Variants in CRMP1 observed in about 807,000 individuals in gnomAD.
The protein encoded by CRMP1 is collapsin response mediator protein 1, also known as dihydropyrimidinase-related protein 1.
CRMP1 carries 19 observed loss-of-function variants against 68.3 expected under a neutral mutation model. The observed-to-expected ratio is 0.28, with a 90% CI of 0.19 to 0.41. The LOEUF (loss-of-function observed/expected upper bound fraction) is 0.41. CRMP1 is among the 10% of genes least tolerant of loss of function. The pLI is 1.00. For synonymous variants in CRMP1, 439 were observed against 399.6 expected (o/e 1.10, Z -1.18); for missense variants, 791 against 967.4 (o/e 0.82, Z 2.42).
At chr4:5,856,892 CATCATCATTACTAACATT>C (rs1325962672) in intron 3 of CRMP1, among the ~76,000 whole-genome samples, 2 of 66,840 alleles carry the variant, frequency 3.0e-5, no homozygotes, top group African/African-American at 1.1e-4. Context: ...CCACCACCAT[CATCATCATTACTAACATT>C]ATCACCACCA....
intron 1 of CRMP1, among the ~76,000 whole-genome samples, chr4:5,886,666 A>C (rs1715609776): frequency 6.6e-6 from 1 of 152,222 alleles, no homozygotes; most frequent in Non-Finnish European, 1.5e-5. Flanking sequence ...ACACAGCCTC[A>C]AACCCAGAAC....
rs1448683355 is a variant in CRMP1, at chr4:5,891,207, CA to C, written c.381+1381del. Among the ~76,000 whole-genome samples the C allele has an allele frequency of 2.6e-5, 4 of 151,712 alleles. No individual in the cohort carries two copies. The highest frequency in any genetic ancestry group is 9.7e-5 in the African/African-American group (4 of 41,358). On this transcript the variant is annotated intron_variant, in intron 1 of 13. Coordinates refer to ENST00000324989, the MANE Select transcript of CRMP1 (RefSeq NM_001014809.3). The surrounding 1 kb of genome is among the most constrained non-coding windows in gnomAD (Gnocchi z 5.2). ...ACACACACACACACACACACACACA[CA>C]CACACCCTTGCTGTTGGACCTCTCC...
In CRMP1 at chr4:5,855,022, C is replaced by A. The variant is rs1169110440; in HGVS notation, c.820+1121G>T. Among the ~76,000 whole-genome samples the A allele has an allele frequency of 6.6e-6, 1 of 151,962 alleles. No individual in the cohort carries two copies. The highest frequency in any genetic ancestry group is 1.5e-5 in the Non-Finnish European group (1 of 68,008). On this transcript the variant is annotated intron_variant, in intron 4 of 13. Transcript: ENST00000324989. This position sits in a 1 kb window ranked among gnomAD's most constrained non-coding sequence, Gnocchi z 4.9. ...AAAGAAAATAGCTAAGCAAATTAAC[C>A]ATTATATTATACATTACAAGCCATT...
At chr4:5,887,745 G>A (rs911749161) in intron 1 of CRMP1, 326 of 985,926 alleles carry the variant, frequency 3.3e-4, no homozygotes, top group Non-Finnish European at 3.9e-4. Context: ...AGTAAAGGCG[G>A]GGAGTGGGGA....
In CRMP1 at chr4:5,850,486, T is replaced by A. The variant is rs533295762; in HGVS notation, c.882+922A>T. ...TATTTTCTGTAACCCCAAGTGTTTA[T>A]CTGAAAGGAAGGACATAAAGTGCTT... On this transcript the variant is annotated intron_variant, in intron 5 of 13. Coordinates refer to ENST00000324989, the MANE Select transcript of CRMP1 (RefSeq NM_001014809.3). This position sits in a 1 kb window ranked among gnomAD's most constrained non-coding sequence, Gnocchi z 4.4. Among the ~76,000 whole-genome samples the A allele has an allele frequency of 3.3e-5, 5 of 152,292 alleles. No individual in the cohort carries two copies. Among genetic ancestry groups the A allele is most frequent in the Non-Finnish European group, 7.3e-5 (5 of 68,030 alleles).
intron 1 of CRMP1, chr4:5,887,876 G>T (rs1715709125): frequency 1.1e-6 from 1 of 919,696 alleles, no homozygotes; most frequent in Non-Finnish European, 1.3e-6. Context: ...CCCGCGCGAG[G>T]CCTGCGGGGA....
At chr4:5,824,264 G>C (rs1278308101) in intron 13 of CRMP1, 1 of 983,854 alleles carries the variant, frequency 1.0e-6, no homozygotes, top group Non-Finnish European at 1.2e-6. Flanking sequence ...CCAATCCCTG[G>C]TTTGCTGATT....
intron 6 of CRMP1, among the ~76,000 whole-genome samples, chr4:5,847,465 C>T (rs1353752560): frequency 6.6e-6 from 1 of 152,204 alleles, no homozygotes; most frequent in Non-Finnish European, 1.5e-5. Context: ...CACTTCCTGA[C>T]ATTCCTGCCC....
At chr4:5,851,496 A>C (rs762376930) in intron 4 of CRMP1, 27 bp from the exon 5 acceptor site, 17 of 1,605,558 alleles carry the variant, frequency 1.1e-5, no homozygotes, top group African/African-American at 1.3e-5. Context: ...AGGATAGAAA[A>C]ATATGTTTAA....
rs1713271072 is a variant in CRMP1 at position 5,858,144 on chromosome 4, T to G, written c.656-1837A>C. 6.6e-6 allele frequency among the ~76,000 whole-genome samples: 1 copy of G among 152,056 alleles called. No homozygotes were observed. On this transcript the variant is annotated intron_variant, in intron 3 of 13. Coordinates refer to ENST00000324989, the MANE Select transcript of CRMP1 (RefSeq NM_001014809.3). This position sits in a 1 kb window ranked among gnomAD's most constrained non-coding sequence, Gnocchi z 5.5. ...TCCTTAAACTCGCTTCTCTCCAGCT[T>G]CCATGGCAACGCCACCTTCTGGCTT...
chr4:5,824,876 A>G (rs2152436408), intron 13 of CRMP1: 1 of 985,420 alleles, frequency 1.0e-6, no homozygotes, highest in African/African-American at 1.7e-5. Flanking sequence ...AATCACAGAT[A>G]CACTGCCCTG....
intron 1 of CRMP1, among the ~76,000 whole-genome samples, chr4:5,885,142 C>T (rs1715494377): frequency 6.6e-6 from 1 of 152,138 alleles, no homozygotes; most frequent in Admixed American, 6.5e-5. Context: ...AAGAGGAAGA[C>T]ACCACCATCA....
Position 5,890,027 on chromosome 4 carries a change from A to T in CRMP1, c.381+2562T>A. The T allele has an allele frequency of 7.8e-6, 6 of 771,462 alleles. No homozygotes were observed. Among genetic ancestry groups the T allele is most frequent in the Non-Finnish European group, 8.5e-6 (5 of 588,322 alleles). The allele number at this position is 771,462 out of a possible 1,614,324, so 47.8% of individuals were successfully genotyped here. ...GCATGGAGATGCCAGGTTCCCCTACACTCTGTTTACAACTCATTTCCCTCC... is the reference window on the plus strand; with the variant it reads ...GCATGGAGATGCCAGGTTCCCCTACTCTCTGTTTACAACTCATTTCCCTCC... On this transcript the variant is annotated intron_variant, in intron 1 of 13. Coordinates refer to ENST00000324989, the MANE Select transcript of CRMP1 (RefSeq NM_001014809.3). This position sits in a 1 kb window ranked among gnomAD's most constrained non-coding sequence, Gnocchi z 5.5.
At chr4:5,874,392 C>T (rs1004418829) in intron 1 of CRMP1, among the ~76,000 whole-genome samples, 1 of 152,194 alleles carries the variant, frequency 6.6e-6, no homozygotes, top group Non-Finnish European at 1.5e-5. Flanking sequence ...GCTTCCCCTA[C>T]GGAGACTTTG....
rs554227535 is a variant in CRMP1 at position 5,877,029 on chromosome 4, C to T, written c.382-10273G>A. On this transcript the variant is annotated intron_variant, in intron 1 of 13. Transcript: ENST00000324989. This position sits in a 1 kb window ranked among gnomAD's most constrained non-coding sequence, Gnocchi z 4.3. ...ATGTGACCTGCTTTGGCTGGGAGTGCACCAGTCTGAGCACAAGCTTTAAGG... is the reference window on the plus strand; with the variant it reads ...ATGTGACCTGCTTTGGCTGGGAGTGTACCAGTCTGAGCACAAGCTTTAAGG... Among the ~76,000 whole-genome samples the T allele has an allele frequency of 6.6e-6, 1 of 152,316 alleles. No homozygotes were observed. The highest frequency in any genetic ancestry group is 2.4e-5 in the African/African-American group (1 of 41,566).
intron 1 of CRMP1, among the ~76,000 whole-genome samples, chr4:5,868,257 A>ATACC (rs1714136605): frequency 2.4e-5 from 2 of 82,408 alleles, no homozygotes; most frequent in South Asian, 9.8e-4. Context: ...TCATGACTAT[A>ATACC]TATCTATATA....
chr4:5,835,914 C>T lies in CRMP1; in HGVS notation c.1623+1G>A. 1 of 1,532,968 alleles carries T rather than the reference C, an allele frequency of 6.5e-7. No individual in the cohort carries two copies. Among genetic ancestry groups the T allele is most frequent in the Non-Finnish European group, 8.8e-7 (1 of 1,140,778 alleles). The allele number at this position is 1,532,968 out of a possible 1,614,324, so 95.0% of individuals were successfully genotyped here. A position where few individuals can be genotyped will look rare whatever the true frequency, so the allele number is the denominator to read the frequency against. ...AGCAGCACAAATAGGCCAGGACTTA[C>T]CGACTTGTGACTTTTGGCTGTTATG... On this transcript the variant is annotated splice_donor_variant, in intron 11 of 13. Transcript: ENST00000324989. LOFTEE classifies it high-confidence loss of function.
At chr4:5,852,011 G>C (rs1348746463) in intron 4 of CRMP1, among the ~76,000 whole-genome samples, 1 of 151,840 alleles carries the variant, frequency 6.6e-6, no homozygotes, top group African/African-American at 2.4e-5. Context: ...AGAGGACGAG[G>C]AGGAGGAGGA....
At chr4:5,846,675 C>G (rs1425012233) in intron 6 of CRMP1, among the ~76,000 whole-genome samples, 1 of 151,606 alleles carries the variant, frequency 6.6e-6, no homozygotes, top group Non-Finnish European at 1.5e-5. Context: ...ACTGCAACCT[C>G]CACCTCCCAC....
Sources: gnomAD v4.1 joint callset for allele counts (sites outside exome capture counted in the v4.1 genomes callset) on GRCh38, gnomAD v4.1.1 for gene constraint, Gnocchi (gnomAD v3.1) non-coding constraint, MANE v1.5 for transcripts, NCBI Gene and HGNC (gene_info 2026-07-23, HGNC 2026-07-21) for gene names.